The following ATP13A5 variants were observed in gnomAD, a reference collection of about 807,000 sequenced individuals.
ATP13A5 encodes ATPase 13A5.
ATP13A5 carries 149 observed loss-of-function variants against 150.2 expected under a neutral mutation model. The ratio of observed to expected loss-of-function variants is 0.99; its 90% CI spans 0.87 to 1.14. The LOEUF (loss-of-function observed/expected upper bound fraction) is 1.14. ATP13A5 is among the 50% of genes most tolerant of loss of function. The probability of loss-of-function intolerance (pLI) is 0.00; values close to 1 mark genes in which losing one functional copy is unlikely to be tolerated. For synonymous variants in ATP13A5, 497 were observed against 522.2 expected, an observed-to-expected ratio of 0.95 and a Z score of 0.66; for missense variants, 1,383 against 1,449.3, an observed-to-expected ratio of 0.95 and a Z score of 0.74.
intron 17 of ATP13A5, 129 bp downstream of exon 17, chr3:193,318,862 G>T: frequency 1.5e-6 from 1 of 673,036 alleles, no homozygotes; most frequent in Admixed American, 2.3e-5. Flanking sequence ...TGAGTCAGGG[G>T]ACTGTACAAG....
rs779728956 is a variant in ATP13A5 at position 193,333,806 on chromosome 3, C to G, written c.1216G>C (p.Ala406Pro). Residue 406 changes from alanine to proline, a missense_variant, in exon 11 of 30, where the codon GCC becomes CCC. Coordinates refer to ENST00000342358, the MANE Select transcript of ATP13A5 (RefSeq NM_198505.4). The stretch of plus-strand genomic sequence containing the variant: ...AAAAAACCCATGACACCAAGGCAGG[C>G]CAGGAACACGATGAACTTGAAGGCA... ...SDAFKFIVFLACLGVMGFFYA... is the reference protein window; with the variant it reads ...SDAFKFIVFLPCLGVMGFFYA... The G allele has an allele frequency of 1.9e-6, 3 of 1,613,796 alleles. No individual in the cohort carries two copies. Among genetic ancestry groups the G allele is most frequent in the African/African-American group, 2.7e-5 (2 of 74,880 alleles).
intron 9 of ATP13A5, among the ~76,000 whole-genome samples, chr3:193,337,697 T>C (rs1352445003): frequency 2.0e-5 from 3 of 152,342 alleles, no homozygotes; most frequent in Non-Finnish European, 4.4e-5. Context: ...TGGCTTAGGA[T>C]TGTCTTGGCA....
At position 193,314,158 on chromosome 3, in the gene ATP13A5, T is replaced by G; in HGVS notation, c.2194A>C (p.Asn732His). The change falls in exon 19 of 30, where the codon AAT becomes CAT. Residue 732 changes from asparagine to histidine, a missense_variant. Asn to His is a moderately conservative substitution (Grantham distance 68). Transcript: ENST00000342358. ...CTGCCTGGAGGGATCATTTCAGAAT[T>G]CTTTGCAACAGTAATGGCCGTTTGA... Reference protein sequence around the residue: ...NLQTAITVAKNSEMIPPGSQV... With the variant: ...NLQTAITVAKHSEMIPPGSQV... The G allele has an allele frequency of 6.2e-7, 1 of 1,613,864 alleles. No homozygotes were observed. The highest frequency in any genetic ancestry group is 1.1e-5 in the South Asian group (1 of 91,068).
intron 25 of ATP13A5, among the ~76,000 whole-genome samples, chr3:193,290,658 A>G (rs1717914152): frequency 6.6e-6 from 1 of 152,136 alleles, no homozygotes; most frequent in African/African-American, 2.4e-5. Flanking sequence ...AAGAAAAAGA[A>G]CTCATGAAAA....
chr3:193,376,975 T>C (rs1185466611), intron 1 of ATP13A5, among the ~76,000 whole-genome samples: 8 of 152,208 alleles, frequency 5.3e-5, no homozygotes, highest in Admixed American at 2.6e-4. Flanking sequence ...GGATTCCTAA[T>C]AGACATTTCT....
intron 5 of ATP13A5, among the ~76,000 whole-genome samples, chr3:193,358,440 C>T (rs77474554): frequency 0.018 from 2,758 of 152,224 alleles, 31 homozygotes; most frequent in Middle Eastern, 0.031. Flanking sequence ...TGCTGGCCTT[C>T]GAGCCCTTCC....
chr3:193,311,938 T>C lies in ATP13A5; in HGVS notation c.2323A>G (p.Ile775Val). Residue 775 changes from isoleucine to valine, a missense_variant, in exon 20 of 30, where the codon ATC becomes GTC. Physicochemically the swap from Ile to Val is conservative, Grantham distance 29. Around this residue, in one of 3 missense-constraint regions of ATP13A5, gnomAD observed 568 missense variants for 621.5 expected, o/e 0.91. Transcript: ENST00000342358. ...GAACTGTTTCCAGTATGCATGTAGA[T>C]TTCCTAAAATCAAAAGGGCATCATT... The part of the protein sequence containing the change: ...NQETGPGKKE[I>V]YMHTGNSSTP... 1 of 1,613,644 alleles carries C rather than the reference T, an allele frequency of 6.2e-7. No homozygotes were observed. Among genetic ancestry groups the C allele is most frequent in the Non-Finnish European group, 8.5e-7 (1 of 1,179,722 alleles).
At chr3:193,290,317 C>G (rs144325008) in intron 25 of ATP13A5, among the ~76,000 whole-genome samples, 1 of 151,992 alleles carries the variant, frequency 6.6e-6, no homozygotes, top group South Asian at 2.1e-4. Flanking sequence ...TTTACCATAT[C>G]GCATGGTGCA....
chr3:193,280,665 C>T (rs927366895), intron 27 of ATP13A5, among the ~76,000 whole-genome samples: 1 of 152,166 alleles, frequency 6.6e-6, no homozygotes. Context: ...TCCAACCTCA[C>T]CCACTCCTCT....
intron 12 of ATP13A5, among the ~76,000 whole-genome samples, chr3:193,330,679 G>A (rs1711596757): frequency 6.6e-6 from 1 of 152,228 alleles, no homozygotes; most frequent in South Asian, 2.1e-4. Context: ...AAGCCCTGGA[G>A]GAGCAAAGGG....
Position 193,350,952 on chromosome 3 carries a change from T to A in ATP13A5, c.741+115A>T, listed in dbSNP as rs1712540095. The stretch of plus-strand genomic sequence containing the variant: ...TCCCATATTTGGTAAGCCCTCACTT[T>A]TTGTTTTATGACTTATGGTTGACAA... On this transcript the variant is annotated intron_variant, in intron 7 of 29. Transcript: ENST00000342358. 3.2e-6 allele frequency: 4 copies of A among 1,254,126 alleles called. No homozygotes were observed. In the East Asian group the frequency reaches 1.0e-4, roughly 32 times the overall value. 77.7% of individuals were successfully genotyped at this position (1,254,126 alleles called of 1,614,324 possible).
At chr3:193,320,752 C>T (rs985229983) in intron 16 of ATP13A5, among the ~76,000 whole-genome samples, 1 of 152,244 alleles carries the variant, frequency 6.6e-6, no homozygotes, top group Non-Finnish European at 1.5e-5. Context: ...AATCGGAAGA[C>T]AAAAAGACCA....
chr3:193,364,383 G>A, intron 1 of ATP13A5, 103 bp from the exon 2 acceptor site: 1 of 1,412,840 alleles, frequency 7.1e-7, no homozygotes, highest in Non-Finnish European at 9.7e-7. Context: ...TGTTGGCTGG[G>A]AGACAAATCT....
intron 5 of ATP13A5, among the ~76,000 whole-genome samples, chr3:193,354,735 C>T (rs772094992): frequency 1.3e-5 from 2 of 152,100 alleles, no homozygotes; most frequent in South Asian, 2.1e-4. Flanking sequence ...ATATTATACA[C>T]AAGGTGTAAT....
chr3:193,318,780 C>T (rs945983797), intron 17 of ATP13A5, among the ~76,000 whole-genome samples: 1 of 152,188 alleles, frequency 6.6e-6, no homozygotes, highest in Admixed American at 6.5e-5. Context: ...CAAGTACCAT[C>T]CTTGTTCTGC....
chr3:193,289,903 C>G lies in ATP13A5; in HGVS notation c.3005G>C (p.Cys1002Ser). 1.2e-6 allele frequency: 2 copies of G among 1,606,888 alleles called. No individual in the cohort carries two copies. Among genetic ancestry groups the G allele is most frequent in the Non-Finnish European group, 1.7e-6 (2 of 1,177,184 alleles). The change falls in exon 26 of 30, where the codon TGT (cysteine) becomes TCT (serine). Residue 1002 changes from cysteine (C) to serine (S), a missense_variant. By Grantham distance (112) the Cys-to-Ser change is moderately radical. Coordinates refer to ENST00000342358, the MANE Select transcript of ATP13A5 (RefSeq NM_198505.4). ...FLYVKQQPWY[C>S]EVYQYSECFL... ...AACTTACCTGTATTGGTAGACCTCA[C>G]AATACCAAGGCTGCTGCTTCACATA...
chr3:193,335,817 AG>A (rs1711834799), intron 9 of ATP13A5, among the ~76,000 whole-genome samples: 1 of 152,208 alleles, frequency 6.6e-6, no homozygotes, highest in Non-Finnish European at 1.5e-5. Context: ...CAAAAGCTCC[AG>A]CTCAACTAGG....
chr3:193,367,936 G>A (rs1713291450), intron 1 of ATP13A5, among the ~76,000 whole-genome samples: 1 of 141,578 alleles, frequency 7.1e-6, no homozygotes, highest in South Asian at 2.5e-4. Context: ...AGTACTAGAA[G>A]TCTTAACCAG....
intron 23 of ATP13A5, among the ~76,000 whole-genome samples, chr3:193,303,868 T>C (rs1718507068): frequency 6.6e-6 from 1 of 151,626 alleles, no homozygotes; most frequent in South Asian, 2.1e-4. Flanking sequence ...TTTATGTAAA[T>C]ATATGTAACA....
Sources: allele counts gnomAD v4.1 joint callset (sites outside exome capture counted in the v4.1 genomes callset), GRCh38; gene constraint gnomAD v4.1.1; regional missense constraint gnomAD v4.1.1; transcripts MANE v1.5; gene names NCBI Gene and HGNC (gene_info 2026-07-23, HGNC 2026-07-21).